Variants in SOS2 observed in about 807,000 individuals in gnomAD.
SOS2 encodes the protein son of sevenless homolog 2.
Under a neutral mutation model 148.2 loss-of-function variants are expected in SOS2, and 65 were observed. The ratio of observed to expected loss-of-function variants is 0.44; its 90% CI spans 0.36 to 0.54. The LOEUF (loss-of-function observed/expected upper bound fraction) is 0.54. Among genes scored for constraint, SOS2 ranks in the 20% least tolerant of loss-of-function variants. SOS2 has a pLI of 0.00. For missense variants in SOS2, 1,341 were observed against 1,590.2 expected (o/e 0.84, Z 2.67); for synonymous variants, 539 against 537.1 (o/e 1.00, Z -0.05).
chr14:50,181,658 T>A (rs1228416349), intron 6 of SOS2, among the ~76,000 whole-genome samples: 4 of 152,140 alleles, frequency 2.6e-5, no homozygotes, highest in Non-Finnish European at 5.9e-5. Context: ...GTTTATGATA[T>A]ACAGAGTAAA....
chr14:50,136,908 T>C (rs1313464161), intron 18 of SOS2, among the ~76,000 whole-genome samples: 1 of 152,114 alleles, frequency 6.6e-6, no homozygotes, highest in Non-Finnish European at 1.5e-5. Flanking sequence ...TTATAAATGG[T>C]ATGCTTTAGG....
chr14:50,132,776 A>G (rs1883924936), intron 19 of SOS2, among the ~76,000 whole-genome samples: 1 of 152,200 alleles, frequency 6.6e-6, no homozygotes, highest in Non-Finnish European at 1.5e-5. Flanking sequence ...TCTGCTTACT[A>G]TGGGACTGTT....
intron 4 of SOS2, among the ~76,000 whole-genome samples, chr14:50,195,207 G>C (rs985709077): frequency 6.6e-6 from 1 of 152,150 alleles, no homozygotes; most frequent in East Asian, 1.9e-4. Context: ...CAAGTACACA[G>C]AGTAACGTGG....
intron 21 of SOS2, among the ~76,000 whole-genome samples, chr14:50,126,762 A>T (rs1204867441): frequency 6.6e-6 from 1 of 152,124 alleles, no homozygotes; most frequent in Non-Finnish European, 1.5e-5. Flanking sequence ...TCAATCTAGG[A>T]TGTATGAGAA....
intron 13 of SOS2, among the ~76,000 whole-genome samples, chr14:50,150,719 G>A (rs1025764763): frequency 2.0e-5 from 3 of 151,754 alleles, no homozygotes; most frequent in Admixed American, 1.3e-4. Context: ...CACCACGCCT[G>A]GCTAATTTTT....
At chr14:50,216,766 A>G (rs1207100541) in intron 1 of SOS2, among the ~76,000 whole-genome samples, 1 of 139,242 alleles carries the variant, frequency 7.2e-6, no homozygotes, top group Non-Finnish European at 1.5e-5. Flanking sequence ...ATAAACATGA[A>G]TAAATAAAAA....
intron 4 of SOS2, among the ~76,000 whole-genome samples, chr14:50,193,430 T>C (rs887736488): frequency 1.3e-5 from 2 of 152,194 alleles, no homozygotes; most frequent in African/African-American, 2.4e-5. Context: ...TAGTAACTTA[T>C]ATACTAGAAG....
At chr14:50,159,280 T>C (rs1234601127) in intron 10 of SOS2, 151 bp downstream of exon 10, 1 of 539,944 alleles carries the variant, frequency 1.9e-6, no homozygotes, top group Non-Finnish European at 3.3e-6. Flanking sequence ...GACCTTTAAT[T>C]CCTTCTCTTA....
At position 50,178,694 on chromosome 14, in the gene SOS2, A is replaced by G. The variant is rs1276139207; in HGVS notation, c.969+1878T>C. On this transcript the variant is annotated intron_variant, in intron 7 of 22. Coordinates refer to ENST00000216373, the MANE Select transcript of SOS2 (RefSeq NM_006939.4). The stretch of plus-strand genomic sequence containing the variant: ...TGCATATATATATATATATATATAT[A>G]TATATATATATATATATACACACAT... 2.5e-3 allele frequency among the ~76,000 whole-genome samples: 91 copies of G among 36,080 alleles called. 2 individuals carry two copies. In the East Asian group the frequency reaches 0.045, roughly 18 times the overall value. 23.7% of individuals were successfully genotyped at this position (36,080 alleles called of 152,430 possible).
At chr14:50,157,440 T>C (rs1463659203) in intron 11 of SOS2, among the ~76,000 whole-genome samples, 1 of 152,158 alleles carries the variant, frequency 6.6e-6, no homozygotes, top group Non-Finnish European at 1.5e-5. Context: ...ATGTCTTTAA[T>C]ATTTATATTA....
At chr14:50,230,451 A>C (rs565020588) in intron 1 of SOS2, among the ~76,000 whole-genome samples, 2 of 152,214 alleles carry the variant, frequency 1.3e-5, no homozygotes, top group Non-Finnish European at 2.9e-5. Context: ...TTCACAGAGG[A>C]AGACCGCCAC....
chr14:50,204,242 C>T, intron 2 of SOS2, 42 bp downstream of exon 2: 3 of 1,269,750 alleles, frequency 2.4e-6, no homozygotes, highest in Non-Finnish European at 3.2e-6. Context: ...TTAATTCATA[C>T]AGTGGTTGAG....
intron 12 of SOS2, among the ~76,000 whole-genome samples, chr14:50,154,773 T>G (rs1276035495): frequency 6.6e-6 from 1 of 152,218 alleles, no homozygotes; most frequent in African/African-American, 2.4e-5. Context: ...ATTGGAACAC[T>G]GCCTTTGGGC....
chr14:50,183,644 T>A (rs1885816301), intron 5 of SOS2, among the ~76,000 whole-genome samples: 1 of 152,218 alleles, frequency 6.6e-6, no homozygotes, highest in South Asian at 2.1e-4. Flanking sequence ...CTGGCTGAGA[T>A]GCTAAAAGAC....
At position 50,199,849 on chromosome 14, in the gene SOS2, A is replaced by G. The variant is rs750022942; in HGVS notation, c.352T>C (p.Leu118=). 1 of 1,560,504 alleles carries G rather than the reference A, an allele frequency of 6.4e-7. No individual in the cohort carries two copies. The highest frequency in any genetic ancestry group is 8.7e-7 in the Non-Finnish European group (1 of 1,145,440). Residue 118 remains leucine (L), a synonymous_variant, in exon 4 of 23, where the codon TTA becomes CTA. Coordinates refer to ENST00000216373, the MANE Select transcript of SOS2 (RefSeq NM_006939.4). Reference sequence around the variant, plus strand: ...ACATGGTAGTCCACTTTGTACCCTAATACTTCCTGTGAAAAGAATAAATAA... The same window carrying G: ...ACATGGTAGTCCACTTTGTACCCTAGTACTTCCTGTGAAAAGAATAAATAA... ...DKIHPSLKEV[L]GYKVDYHVSL... is the part of the protein sequence containing the mutation.
chr14:50,220,518 T>A (rs937356392), intron 1 of SOS2, among the ~76,000 whole-genome samples: 2 of 151,844 alleles, frequency 1.3e-5, no homozygotes, highest in South Asian at 4.2e-4. Flanking sequence ...ATTATCTGGA[T>A]ACTGGAAAAA....
Position 50,160,024 on chromosome 14 carries a change from AT to A in SOS2, c.1258del (p.Met420Ter). 1 of 1,613,978 alleles carries A rather than the reference AT, an allele frequency of 6.2e-7. No individual in the cohort carries two copies. Among genetic ancestry groups the A allele is most frequent in the Non-Finnish European group, 8.5e-7 (1 of 1,179,940 alleles). Reference protein sequence around the residue: ...LRSKHLAIKKMNEIQKNIDGW... With the variant: ...LRSKHLAIKKXNEIQKNIDGW... ...ATCGATATTTTTCTGAATTTCATTC[AT>A]TTTTTTGATAGCCAGGTGTTTGCTT... is the stretch of plus-strand genomic sequence containing the variant. On this transcript the variant is annotated frameshift_variant, in exon 10 of 23. Transcript: ENST00000216373. LOFTEE classifies it high-confidence loss of function.
chr14:50,214,793 G>C (rs1886992614), intron 1 of SOS2, among the ~76,000 whole-genome samples: 1 of 146,360 alleles, frequency 6.8e-6, no homozygotes, highest in African/African-American at 2.5e-5. Context: ...CAATCCTCCT[G>C]CCTCCTCAGG....
At chr14:50,189,676 C>T (rs915917754) in intron 4 of SOS2, among the ~76,000 whole-genome samples, 1 of 152,130 alleles carries the variant, frequency 6.6e-6, no homozygotes, top group Non-Finnish European at 1.5e-5. Flanking sequence ...ACATTTACTA[C>T]AATGACCACT....
Sources: allele counts gnomAD v4.1 joint callset (sites outside exome capture counted in the v4.1 genomes callset), GRCh38; gene constraint gnomAD v4.1.1; transcripts MANE v1.5; gene names NCBI Gene and HGNC (gene_info 2026-07-23, HGNC 2026-07-21).